ANO10: variants seen among roughly 807,000 people sequenced by gnomAD.
ANO10 encodes the protein anoctamin 10, also known as anoctamin-10.
ANO10 carries 77 observed loss-of-function variants against 74.7 expected under a neutral mutation model. The observed-to-expected ratio is 1.03, with a 90% CI of 0.86 to 1.25. The LOEUF is 1.25. ANO10 is among the 50% of genes most tolerant of loss of function. The pLI is 0.00. For missense variants in ANO10, 721 were observed against 778.1 expected, an observed-to-expected ratio of 0.93 and a Z score of 0.87; for synonymous variants, 279 against 284.9, an observed-to-expected ratio of 0.98 and a Z score of 0.21.
intron 12 of ANO10, among the ~76,000 whole-genome samples, chr3:43,378,508 G>T (rs1169840617): frequency 2.0e-5 from 3 of 152,128 alleles, no homozygotes; most frequent in Non-Finnish European, 4.4e-5. Context: ...TCTGAACACT[G>T]TATGGCCCTT....
intron 11 of ANO10, among the ~76,000 whole-genome samples, chr3:43,498,085 G>T (rs1416579463): frequency 6.6e-6 from 1 of 152,200 alleles, no homozygotes; most frequent in African/African-American, 2.4e-5. Context: ...TATTTTAAAA[G>T]GATGTAAGTA....
intron 1 of ANO10, among the ~76,000 whole-genome samples, chr3:43,674,648 A>AG (rs1406309120): frequency 6.6e-6 from 1 of 152,228 alleles, no homozygotes; most frequent in Non-Finnish European, 1.5e-5. Flanking sequence ...TTTAATGTTC[A>AG]GGAGTGCTCT....
intron 11 of ANO10, among the ~76,000 whole-genome samples, chr3:43,441,351 C>A (rs192545513): frequency 2.0e-5 from 3 of 151,828 alleles, no homozygotes; most frequent in Non-Finnish European, 2.9e-5. Flanking sequence ...ACATTACAAT[C>A]GATGCCACAG....
At chr3:43,490,717 G>A (rs949157439) in intron 11 of ANO10, among the ~76,000 whole-genome samples, 2 of 152,250 alleles carry the variant, frequency 1.3e-5, no homozygotes, top group East Asian at 1.9e-4. Flanking sequence ...ATCAAGTACC[G>A]GCAAATAGAA....
At position 43,565,648 on chromosome 3, in the gene ANO10, C is replaced by T. The variant is rs1304360528; in HGVS notation, c.1293+5G>A. On this transcript the variant is annotated splice_donor_5th_base_variant and intron_variant, in intron 8 of 12. Coordinates refer to ENST00000292246, the MANE Select transcript of ANO10 (RefSeq NM_018075.5). The stretch of plus-strand genomic sequence containing the variant: ...AATTGGTATTTTTCTGTTATTTTTA[C>T]TTACCTGGCGCAAAAGCTTCATATC... 2 of 1,569,254 alleles carry T rather than the reference C, an allele frequency of 1.3e-6. No homozygotes were observed. Among genetic ancestry groups the T allele is most frequent in the South Asian group, 1.2e-5 (1 of 84,510 alleles).
chr3:43,373,719 C>G (rs185512583), intron 12 of ANO10, among the ~76,000 whole-genome samples: 64 of 152,348 alleles, frequency 4.2e-4, no homozygotes, highest in Middle Eastern at 3.4e-3. Context: ...CTGACCGCTT[C>G]TGGAACAGGA....
At chr3:43,625,259 G>A (rs1218361087), upstream of ANO10, among the ~76,000 whole-genome samples, 2 of 152,162 alleles carry the variant, frequency 1.3e-5, no homozygotes, top group Non-Finnish European at 2.9e-5. Context: ...TACATGGTCC[G>A]GCTTCTCTCG....
intron 6 of ANO10, among the ~76,000 whole-genome samples, chr3:43,575,601 G>T (rs2080957513): frequency 6.6e-6 from 1 of 152,118 alleles, no homozygotes; most frequent in Non-Finnish European, 1.5e-5. Context: ...ATAAATGACA[G>T]CTGATATTGT....
chr3:43,602,391 G>A (rs1180208139), intron 2 of ANO10, among the ~76,000 whole-genome samples: 1 of 152,150 alleles, frequency 6.6e-6, no homozygotes, highest in African/African-American at 2.4e-5. Flanking sequence ...AGGCTAGAGT[G>A]CAATGGTGCA....
rs1169816392 is a variant in ANO10, at chr3:43,562,455, CAA to C, written c.1294-1055_1294-1054del. Among the ~76,000 whole-genome samples, 153 of 69,940 alleles carry C rather than the reference CAA, an allele frequency of 2.2e-3. 4 individuals are homozygous for C. In the East Asian group the frequency reaches 0.045, roughly 21 times the overall value. 45.9% of individuals were successfully genotyped at this position (69,940 alleles called of 152,430 possible). A position where few individuals can be genotyped will look rare whatever the true frequency, so the allele number is the denominator to read the frequency against. ...CGGCAGAACGAGGCTCTGTCTCAAA[CAA>C]AAAAAAAAAAAAAAGAAGTTTGAGA... On this transcript the variant is annotated intron_variant, in intron 8 of 12. Coordinates refer to ENST00000292246, the MANE Select transcript of ANO10 (RefSeq NM_018075.5).
chr3:43,551,897 T>C (rs2079480120), intron 10 of ANO10, among the ~76,000 whole-genome samples: 3 of 152,236 alleles, frequency 2.0e-5, no homozygotes, highest in Admixed American at 6.5e-5. Flanking sequence ...TCTCTGTCTT[T>C]AATTGTTGTT....
intron 1 of ANO10, chr3:43,691,396 A>T (rs1202570436): frequency 5.4e-6 from 1 of 185,890 alleles, no homozygotes; most frequent in Non-Finnish European, 1.1e-5. Context: ...CTGCCAAGGG[A>T]CCCGGCCTGC....
chr3:43,688,177 T>C (rs766163223), intron 1 of ANO10, among the ~76,000 whole-genome samples: 29 of 152,182 alleles, frequency 1.9e-4, no homozygotes, highest in Admixed American at 7.9e-4. Flanking sequence ...CTTTTCTTTT[T>C]TTGTGACTGT....
intron 4 of ANO10, among the ~76,000 whole-genome samples, chr3:43,581,532 A>G (rs1030039746): frequency 1.3e-5 from 2 of 152,186 alleles, no homozygotes; most frequent in Admixed American, 1.3e-4. Flanking sequence ...GATATGGAGA[A>G]CTCAAATGCA....
chr3:43,484,094 CCTG>C (rs2149094250), intron 11 of ANO10, among the ~76,000 whole-genome samples: 1 of 152,178 alleles, frequency 6.6e-6, no homozygotes, highest in South Asian at 2.1e-4. Flanking sequence ...CACCACTATG[CCTG>C]GGTTTTTTGT....
At chr3:43,687,337 C>T (rs1010616015) in intron 1 of ANO10, among the ~76,000 whole-genome samples, 2 of 152,214 alleles carry the variant, frequency 1.3e-5, no homozygotes, top group South Asian at 2.1e-4. Context: ...CATGCCCTCA[C>T]TCTCATTCTG....
At chr3:43,576,497 A>G (rs2081000416) in intron 6 of ANO10, among the ~76,000 whole-genome samples, 195 bp downstream of exon 6, 1 of 152,204 alleles carries the variant, frequency 6.6e-6, no homozygotes, top group Non-Finnish European at 1.5e-5. Context: ...TTAACACATA[A>G]TAAATGAGAG....
chr3:43,485,075 T>C, intron 11 of ANO10: 2 of 1,231,734 alleles, frequency 1.6e-6, no homozygotes, highest in Non-Finnish European at 1.2e-6. Flanking sequence ...GTGGAACTGC[T>C]TGACAGCCGG....
chr3:43,571,538 A>G (rs2149384546), intron 7 of ANO10, among the ~76,000 whole-genome samples: 1 of 152,304 alleles, frequency 6.6e-6, no homozygotes, highest in East Asian at 1.9e-4. Flanking sequence ...CTTTGTAGGG[A>G]CATGGATGAA....
Sources: allele counts gnomAD v4.1 joint callset (sites outside exome capture counted in the v4.1 genomes callset), GRCh38; gene constraint gnomAD v4.1.1; transcripts MANE v1.5; gene names NCBI Gene and HGNC (gene_info 2026-07-23, HGNC 2026-07-21).